Variants in CNBD1 observed in about 807,000 individuals in gnomAD.
CNBD1 encodes the protein cyclic nucleotide-binding domain-containing protein 1.
A neutral mutation model predicts 54.4 loss-of-function variants in CNBD1; 71 were observed. The observed-to-expected ratio is 1.30, with a 90% CI of 1.08 to 1.59. The LOEUF is 1.59. CNBD1 is among the 40% of genes most tolerant of loss of function. The probability of loss-of-function intolerance (pLI) is 0.00; values close to 1 mark genes in which losing one functional copy is unlikely to be tolerated. For synonymous variants in CNBD1, 182 were observed against 170.7 expected (o/e 1.07, Z -0.51); for missense variants, 659 against 518.0 (o/e 1.27, Z -2.64).
intron 5 of CNBD1, among the ~76,000 whole-genome samples, chr8:87,213,827 A>C (rs1814152416): frequency 6.6e-6 from 1 of 152,194 alleles, no homozygotes; most frequent in East Asian, 1.9e-4. Flanking sequence ...ATCTGAGACA[A>C]GGCAAGTCCC....
At chr8:86,872,566 C>T (rs1808456883) in intron 1 of CNBD1, among the ~76,000 whole-genome samples, 1 of 152,130 alleles carries the variant, frequency 6.6e-6, no homozygotes, top group Admixed American at 6.5e-5. Flanking sequence ...TATCAGGGTT[C>T]CCTTTCCTCC....
intron 3 of CNBD1, among the ~76,000 whole-genome samples, chr8:86,937,110 G>A (rs533033398): frequency 2.6e-5 from 4 of 152,288 alleles, no homozygotes; most frequent in African/African-American, 9.6e-5. Context: ...CATGGCTGAG[G>A]TAGGACTCAC....
At chr8:87,256,049 G>A (rs763000410) in intron 6 of CNBD1, among the ~76,000 whole-genome samples, 4 of 90,044 alleles carry the variant, frequency 4.4e-5, no homozygotes, top group Non-Finnish European at 6.0e-5. Flanking sequence ...TTGAGACAGG[G>A]TCTCACTCTG....
At chr8:87,183,556 G>T (rs1813409504) in intron 4 of CNBD1, among the ~76,000 whole-genome samples, 1 of 152,048 alleles carries the variant, frequency 6.6e-6, no homozygotes, top group Non-Finnish European at 1.5e-5. Context: ...GTCTGGTTTA[G>T]GATCATTGCT....
intron 2 of CNBD1, among the ~76,000 whole-genome samples, chr8:87,419,680 A>G (rs1409331634): frequency 6.6e-6 from 1 of 151,926 alleles, no homozygotes; most frequent in Non-Finnish European, 1.5e-5. Context: ...ACAATGTGAA[A>G]TAGAGTATGT....
chr8:87,347,271 T>C (rs1036574746), intron 8 of CNBD1, among the ~76,000 whole-genome samples: 1 of 152,184 alleles, frequency 6.6e-6, no homozygotes, highest in Non-Finnish European at 1.5e-5. Flanking sequence ...TTCAGAAAAA[T>C]CTAAGCCACC....
chr8:87,414,174 A>T (rs993962699), intron 2 of CNBD1, among the ~76,000 whole-genome samples: 1 of 152,070 alleles, frequency 6.6e-6, no homozygotes, highest in Non-Finnish European at 1.5e-5. Flanking sequence ...CATATACACC[A>T]TGGAATACTA....
At chr8:87,369,763 A>T (rs922417682) in intron 10 of CNBD1, among the ~76,000 whole-genome samples, 16 of 151,956 alleles carry the variant, frequency 1.1e-4, no homozygotes, top group African/African-American at 3.9e-4. Flanking sequence ...TTTAGGGTAC[A>T]TGTGCACAAT....
At chr8:86,887,212 G>T (rs559931775) in intron 1 of CNBD1, among the ~76,000 whole-genome samples, 1 of 152,246 alleles carries the variant, frequency 6.6e-6, no homozygotes, top group South Asian at 2.1e-4. Context: ...TCTGGAACCA[G>T]TTCATCTTGT....
At chr8:87,090,883 G>C (rs754876612) in intron 4 of CNBD1, among the ~76,000 whole-genome samples, 1 of 152,080 alleles carries the variant, frequency 6.6e-6, no homozygotes, top group Non-Finnish European at 1.5e-5. Flanking sequence ...GCTCACACCT[G>C]TAATCCCAGC....
At chr8:87,211,822 C>T (rs931003858) in intron 5 of CNBD1, among the ~76,000 whole-genome samples, 1 of 152,146 alleles carries the variant, frequency 6.6e-6, no homozygotes, top group Non-Finnish European at 1.5e-5. Context: ...TATAGCAATG[C>T]ATGAATGACC....
At chr8:87,392,883 T>A (rs540817654) in intron 2 of CNBD1, among the ~76,000 whole-genome samples, 1 of 151,924 alleles carries the variant, frequency 6.6e-6, no homozygotes, top group African/African-American at 2.4e-5. Flanking sequence ...CTTGGGAATA[T>A]TGAAGGCGAT....
At chr8:86,867,990 C>T (rs780590634) in intron 1 of CNBD1, among the ~76,000 whole-genome samples, 2 of 152,194 alleles carry the variant, frequency 1.3e-5, no homozygotes, top group African/African-American at 2.4e-5. Flanking sequence ...TCTATGTCTG[C>T]AACTTCTCTT....
At chr8:87,092,523 G>GTGTA (rs546656480) in intron 4 of CNBD1, among the ~76,000 whole-genome samples, 4 of 143,932 alleles carry the variant, frequency 2.8e-5, no homozygotes, top group Admixed American at 7.2e-5. Flanking sequence ...GTGTATGTGT[G>GTGTA]TGTATGTATG....
chr8:87,124,107 A>C (rs1179913007), intron 4 of CNBD1, among the ~76,000 whole-genome samples: 1 of 151,648 alleles, frequency 6.6e-6, no homozygotes, highest in East Asian at 1.9e-4. Flanking sequence ...AAATGGAGGG[A>C]ATACTTCTAA....
At chr8:86,892,320 C>A (rs1586115905) in intron 2 of CNBD1, among the ~76,000 whole-genome samples, 1 of 152,122 alleles carries the variant, frequency 6.6e-6, no homozygotes, top group East Asian at 1.9e-4. Flanking sequence ...AAAACTATCA[C>A]CTGTGAACAG....
chr8:87,237,430 A>G (rs530169987), intron 6 of CNBD1, among the ~76,000 whole-genome samples: 4 of 152,094 alleles, frequency 2.6e-5, no homozygotes, highest in Non-Finnish European at 5.9e-5. Flanking sequence ...TGATTTGAGG[A>G]GGGAGAGACA....
At chr8:87,203,913 C>A (rs1490603317) in intron 4 of CNBD1, among the ~76,000 whole-genome samples, 1 of 152,166 alleles carries the variant, frequency 6.6e-6, no homozygotes, top group Non-Finnish European at 1.5e-5. Flanking sequence ...AGCAACATTG[C>A]TGTTTTGCTG....
rs568203196 is a variant in CNBD1, at chr8:86,939,154, A to G, written c.273-442A>G. On this transcript the variant is annotated intron_variant, in intron 3 of 10. Coordinates refer to ENST00000518476, the MANE Select transcript of CNBD1 (RefSeq NM_173538.3). ...AGCACAAGAATAAGATATGGTGGCT[A>G]TCTTCCAAGATGTTTATAGATTACC... is the stretch of plus-strand genomic sequence containing the variant. Among the ~76,000 whole-genome samples, 15 of 152,304 alleles carry G rather than the reference A, an allele frequency of 9.8e-5. No homozygotes were observed. In the South Asian group the frequency reaches 2.7e-3, roughly 27 times the overall value.
Sources: allele counts gnomAD v4.1 joint callset (sites outside exome capture counted in the v4.1 genomes callset), GRCh38; gene constraint gnomAD v4.1.1; transcripts MANE v1.5; gene names NCBI Gene and HGNC (gene_info 2026-07-23, HGNC 2026-07-21).